MIER2: variants seen among roughly 807,000 people sequenced by gnomAD.
MIER2 encodes MIER family member 2, also known as mesoderm induction early response protein 2.
A neutral mutation model predicts 67.6 loss-of-function variants in MIER2; 30 were observed. The ratio of observed to expected loss-of-function variants is 0.44; its 90% CI spans 0.33 to 0.60. The LOEUF (loss-of-function observed/expected upper bound fraction) is 0.60. Ranked by LOEUF, MIER2 falls within the 20% of genes least tolerant of loss-of-function variation. The probability of loss-of-function intolerance (pLI) is 0.02; values close to 1 mark genes in which losing one functional copy is unlikely to be tolerated. For synonymous variants in MIER2, 372 were observed against 312.6 expected (o/e 1.19, Z -2.00); for missense variants, 702 against 745.1 (o/e 0.94, Z 0.67).
At chr19:322,179 A>G (rs1454268261) in intron 7 of MIER2, among the ~76,000 whole-genome samples, 1 of 152,180 alleles carries the variant, frequency 6.6e-6, no homozygotes, top group Non-Finnish European at 1.5e-5. Flanking sequence ...TGCTGGGATT[A>G]CAGGTGTGAG....
Position 336,171 on chromosome 19 carries a change from G to T in MIER2, c.12C>A (p.Ala4=). The stretch of plus-strand genomic sequence containing the variant: ...GAGGACTCTGCCTCCCCAGCGAGGA[G>T]GCCTGCGAAGGAAGAGAGGCAGGGT... MAE[A]SSLGRQSPRV... is the part of the protein sequence containing the mutation. The change falls in exon 2 of 14, where the codon GCC becomes GCA. Residue 4 remains alanine, a splice_region_variant and synonymous_variant. Coordinates refer to ENST00000264819, the MANE Select transcript of MIER2 (RefSeq NM_017550.3). The T allele has an allele frequency of 6.2e-7, 1 of 1,612,646 alleles. No individual in the cohort carries two copies. The highest frequency in any genetic ancestry group is 8.5e-7 in the Non-Finnish European group (1 of 1,179,160).
intron 7 of MIER2, among the ~76,000 whole-genome samples, chr19:325,053 G>C (rs1347929007): frequency 6.6e-6 from 1 of 152,216 alleles, no homozygotes. Flanking sequence ...AATCACCTTG[G>C]AGAAGGCTCC....
rs1362805326 is a variant in MIER2, at chr19:333,823, G to A, written c.243+577C>T. ...CCCGCCTCAGCCTCCCGAGTAGCTG[G>A]GACTACAGTCACCCGCCACTATGCC... On this transcript the variant is annotated intron_variant, in intron 3 of 13. Transcript: ENST00000264819. Among the ~76,000 whole-genome samples the A allele has an allele frequency of 2.7e-5, 4 of 150,106 alleles. No homozygotes were observed. The East Asian group carries it at 7.9e-4, about 30-fold the overall frequency.
At chr19:339,542 A>G (rs146044941) in intron 1 of MIER2, among the ~76,000 whole-genome samples, 81 of 152,334 alleles carry the variant, frequency 5.3e-4, no homozygotes, top group Non-Finnish European at 1.1e-3. Flanking sequence ...ATAGTCCAGC[A>G]ATTCCTCCAA....
At chr19:334,353 CGGA>C in intron 3 of MIER2, 44 bp downstream of exon 3, 1 of 1,610,610 alleles carries the variant, frequency 6.2e-7, no homozygotes, top group Non-Finnish European at 8.5e-7. Context: ...AGGCTTACCC[CGGA>C]GGGCTCCACC....
At chr19:318,733 T>G (rs1309710394) in intron 7 of MIER2, among the ~76,000 whole-genome samples, 1 of 152,158 alleles carries the variant, frequency 6.6e-6, no homozygotes, top group Admixed American at 6.5e-5. Flanking sequence ...CGGAGTATGT[T>G]TTCTGACCAC....
At chr19:337,487 C>T (rs1264946685) in intron 1 of MIER2, among the ~76,000 whole-genome samples, 1 of 152,140 alleles carries the variant, frequency 6.6e-6, no homozygotes, top group South Asian at 2.1e-4. Flanking sequence ...ACACCATGAG[C>T]ACCACAACGT....
intron 3 of MIER2, among the ~76,000 whole-genome samples, chr19:328,444 C>CTCTCAGAA (rs372722785): frequency 6.7e-6 from 1 of 148,882 alleles, no homozygotes; most frequent in African/African-American, 2.5e-5. Flanking sequence ...AAAAAAGGAA[C>CTCTCAGAA]TCTCAGAAAA....
At chr19:327,777 T>C (rs1476674418) in intron 4 of MIER2, 87 bp downstream of exon 4, 4 of 1,552,686 alleles carry the variant, frequency 2.6e-6, no homozygotes, top group Admixed American at 2.1e-5. Context: ...GTGCCTCCTC[T>C]CACTGAACAC....
rs1039554503 is a variant in MIER2, at chr19:344,422, C to A, written c.9+352G>T. ...CGGGGCCCGGGCCGGGGCCGGGAAC[C>A]GGAGCCGGACCCTGGAACGGAGCCG... On this transcript the variant is annotated intron_variant, in intron 1 of 13. Coordinates refer to ENST00000264819, the MANE Select transcript of MIER2 (RefSeq NM_017550.3). 1.3e-5 allele frequency: 13 copies of A among 978,172 alleles called. No individual in the cohort carries two copies. In the African/African-American group the frequency reaches 1.9e-4, roughly 15 times the overall value. 60.6% of individuals were successfully genotyped at this position (978,172 alleles called of 1,614,324 possible). A position where few individuals can be genotyped will look rare whatever the true frequency, so the allele number is the denominator to read the frequency against.
Position 311,728 on chromosome 19 carries a change from C to T in MIER2, c.984+117G>A, listed in dbSNP as rs57566274. ...CAGCAATGGGCACACGGTGAGGAGG[C>T]GGACACAGGACACGGGGCTCCAGGC... On this transcript the variant is annotated intron_variant, in intron 10 of 13. Transcript: ENST00000264819. 5.1e-5 allele frequency: 47 copies of T among 925,714 alleles called. No individual in the cohort carries two copies. In the Admixed American group the frequency reaches 5.1e-4, roughly 10 times the overall value. The allele number at this position is 925,714 out of a possible 1,614,324, so 57.3% of individuals were successfully genotyped here.
chr19:328,377 G>C (rs1330333175), intron 3 of MIER2, among the ~76,000 whole-genome samples: 1 of 149,598 alleles, frequency 6.7e-6, no homozygotes, highest in African/African-American at 2.5e-5. Context: ...GGGGAAAAAA[G>C]TTATCTGAAA....
At chr19:326,666 C>T (rs1367626315) in intron 5 of MIER2, 68 bp from the exon 6 acceptor site, 1 of 1,233,098 alleles carries the variant, frequency 8.1e-7, no homozygotes, top group Non-Finnish European at 1.2e-6. Context: ...CCCTTCTCTC[C>T]ACTCCCATTC....
At chr19:311,773 G>C in intron 10 of MIER2, 72 bp downstream of exon 10, 1 of 1,457,286 alleles carries the variant, frequency 6.9e-7, no homozygotes, top group Non-Finnish European at 9.6e-7. Context: ...GCCGTGTGCT[G>C]TGTGCCTGCG....
chr19:322,909 C>T lies in MIER2; in HGVS notation c.655+2726G>A, dbSNP rs954580055. 4.6e-5 allele frequency among the ~76,000 whole-genome samples: 7 copies of T among 152,134 alleles called. 1 individual carries two copies. The highest frequency in any genetic ancestry group is 8.8e-5 in the Non-Finnish European group (6 of 68,032). ...AATGTGGCATCCAAACCAAGGACCA[C>T]GATGCAACACACAAGACACACACAA... On this transcript the variant is annotated intron_variant, in intron 7 of 13. Coordinates refer to ENST00000264819, the MANE Select transcript of MIER2 (RefSeq NM_017550.3).
chr19:317,037 T>C (rs1971264846), intron 7 of MIER2, among the ~76,000 whole-genome samples: 1 of 152,038 alleles, frequency 6.6e-6, no homozygotes, highest in South Asian at 2.1e-4. Context: ...AACTAAAACT[T>C]ATAAGCTGAA....
At chr19:339,073 AGTG>A in intron 1 of MIER2, among the ~76,000 whole-genome samples, 1 of 143,674 alleles carries the variant, frequency 7.0e-6, no homozygotes. Context: ...CAAAATCACA[AGTG>A]ACCAAAAAAA....
rs1168440465 is a variant in MIER2 at position 306,467 on chromosome 19, G to A, written c.*223C>T. 1.1e-5 allele frequency: 7 copies of A among 642,954 alleles called. No individual in the cohort carries two copies. The highest frequency in any genetic ancestry group is 3.7e-5 in the African/African-American group (2 of 54,486). 39.8% of individuals were successfully genotyped at this position (642,954 alleles called of 1,614,324 possible). ...CGGCCCGGACCCGGGTGGCAGTGCC[G>A]GGCGCTGACGGCGCTGGGTGGGGCC... On this transcript the variant is annotated 3_prime_UTR_variant, in exon 14 of 14. Transcript: ENST00000264819.
chr19:341,899 A>C (rs8101528), intron 1 of MIER2, among the ~76,000 whole-genome samples: 89,913 of 151,520 alleles, frequency 0.59, 27,310 homozygotes, highest in East Asian at 0.71. Flanking sequence ...GCACCAGAGG[A>C]CTGGGTGCAG....
Sources: gnomAD v4.1 joint callset for allele counts (sites outside exome capture counted in the v4.1 genomes callset) on GRCh38, gnomAD v4.1.1 for gene constraint, MANE v1.5 for transcripts, NCBI Gene and HGNC (gene_info 2026-07-23, HGNC 2026-07-21) for gene names.